Variants in C7 observed in about 807,000 individuals in gnomAD.
C7 encodes complement C7, also known as complement component C7.
A neutral mutation model predicts 104.8 loss-of-function variants in C7; 83 were observed. That is an observed-to-expected ratio of 0.79 (90% CI 0.66 to 0.95). The LOEUF is 0.95. Among genes scored for constraint, C7 ranks in the 40% least tolerant of loss-of-function variants. The pLI, the probability that C7 is intolerant of heterozygous loss-of-function variation, is 0.00. For missense variants in C7, 1,070 were observed against 1,011.2 expected (o/e 1.06, Z -0.79); for synonymous variants, 415 against 360.6 (o/e 1.15, Z -1.71).
chr5:40,930,785 C>T (rs546310573), intron 2 of C7, among the ~76,000 whole-genome samples: 15 of 151,930 alleles, frequency 9.9e-5, no homozygotes, highest in South Asian at 2.1e-4. Context: ...AGCCTGGTCT[C>T]GAACTCCTGA....
intron 14 of C7, among the ~76,000 whole-genome samples, chr5:40,966,513 G>A (rs867034527): frequency 1.3e-5 from 2 of 151,820 alleles, no homozygotes; most frequent in African/African-American, 4.8e-5. Flanking sequence ...TGAGTAGCTG[G>A]GACTACAGGT....
chr5:40,938,252 A>G (rs1383166457), intron 6 of C7, among the ~76,000 whole-genome samples: 1 of 152,208 alleles, frequency 6.6e-6, no homozygotes, highest in Admixed American at 6.5e-5. Flanking sequence ...TATATTTTGT[A>G]TTAATTATCC....
intron 9 of C7, among the ~76,000 whole-genome samples, chr5:40,952,658 C>T (rs1304071975): frequency 6.6e-6 from 1 of 151,900 alleles, no homozygotes; most frequent in East Asian, 1.9e-4. Context: ...CCCCACCCCA[C>T]TACAGGCCCC....
intron 7 of C7, among the ~76,000 whole-genome samples, 157 bp from the exon 8 acceptor site, chr5:40,947,445 G>T (rs1214367217): frequency 6.6e-6 from 1 of 152,034 alleles, no homozygotes. Context: ...TCCAGTAAGT[G>T]GGCCCATAAG....
chr5:40,926,157 C>G (rs966413001), intron 1 of C7, among the ~76,000 whole-genome samples: 1 of 152,162 alleles, frequency 6.6e-6, no homozygotes, highest in African/African-American at 2.4e-5. Flanking sequence ...ATGACAAAAA[C>G]TATATGATCA....
chr5:40,971,236 C>A (rs1740692256), intron 14 of C7, among the ~76,000 whole-genome samples: 1 of 152,214 alleles, frequency 6.6e-6, no homozygotes, highest in Admixed American at 6.5e-5. Flanking sequence ...TCCACATCCC[C>A]ACCAGCATCT....
At chr5:40,962,703 C>CTTTTGTTG (rs1293300724) in intron 13 of C7, among the ~76,000 whole-genome samples, 1 of 152,264 alleles carries the variant, frequency 6.6e-6, no homozygotes, top group East Asian at 1.9e-4. Context: ...ATTCTAGGGA[C>CTTTTGTTG]TTTTGTTGTT....
chr5:40,959,652 T>C (rs1740384726), intron 12 of C7, 32 bp downstream of exon 12: 2 of 1,505,750 alleles, frequency 1.3e-6, no homozygotes, highest in African/African-American at 1.4e-5. Flanking sequence ...GGCAGTTGCA[T>C]AGAACACAGT....
chr5:40,964,750 A>C lies in C7; in HGVS notation c.1759A>C (p.Thr587Pro), dbSNP rs13157656. 0.23 allele frequency: 378,522 copies of C among 1,611,870 alleles called. 47,050 individuals are homozygous for C. The highest frequency in any genetic ancestry group is 0.37 in the South Asian group (34,002 of 90,912). The change falls in exon 14 of 18, where the codon ACA becomes CCA. Residue 587 changes from threonine (T) to proline (P), a missense_variant. Transcript: ENST00000313164. ...TTTTACTTTTGTTTAGGATGAAGGT[A>C]CAATGTTTCCTGTGGGGAAAAATGT... The part of the protein sequence containing the change: ...LKDGFVQDEG[T>P]MFPVGKNVVY...
chr5:40,951,480 G>A (rs898336909), intron 9 of C7, among the ~76,000 whole-genome samples: 13 of 152,080 alleles, frequency 8.5e-5, no homozygotes, highest in Non-Finnish European at 1.9e-4. Context: ...GAGGAAGGGA[G>A]GAATCAAGGG....
intron 14 of C7, among the ~76,000 whole-genome samples, chr5:40,966,045 G>T (rs1232268871): frequency 7.2e-5 from 11 of 151,736 alleles, no homozygotes; most frequent in Non-Finnish European, 1.5e-4. Context: ...TATGTCTTTT[G>T]TCCATTAAAA....
At position 40,974,453 on chromosome 5, in the gene C7, T is replaced by G. The variant is rs553141830; in HGVS notation, c.2074+1859T>G. Reference sequence around the variant, plus strand: ...TTTTTTGAGATGCAGTCTCGTTCTGTCACCCAGGCTGGAGTGCAGCGGCAC... The same window carrying G: ...TTTTTTGAGATGCAGTCTCGTTCTGGCACCCAGGCTGGAGTGCAGCGGCAC... On this transcript the variant is annotated intron_variant, in intron 15 of 17. Transcript: ENST00000313164. Among the ~76,000 whole-genome samples, 191 of 150,950 alleles carry G rather than the reference T, an allele frequency of 1.3e-3. 1 individual carries two copies. Among genetic ancestry groups the G allele is most frequent in the African/African-American group, 4.3e-3 (177 of 40,924 alleles).
chr5:40,959,040 T>C (rs906907942), intron 11 of C7, among the ~76,000 whole-genome samples: 3 of 152,188 alleles, frequency 2.0e-5, no homozygotes, highest in Non-Finnish European at 4.4e-5. Context: ...ATTCTACGAC[T>C]GTGATTCATT....
At chr5:40,978,007 T>C (rs552591195) in intron 16 of C7, among the ~76,000 whole-genome samples, 1 of 151,866 alleles carries the variant, frequency 6.6e-6, no homozygotes, top group East Asian at 1.9e-4. Context: ...GGTGACTCAC[T>C]CTTGTAGTCC....
chr5:40,912,319 A>C (rs751617252), intron 1 of C7, among the ~76,000 whole-genome samples: 11 of 152,200 alleles, frequency 7.2e-5, no homozygotes, highest in Non-Finnish European at 1.5e-4. Flanking sequence ...GGTGATGACA[A>C]AGGCATCCAT....
intron 15 of C7, among the ~76,000 whole-genome samples, chr5:40,974,190 C>T (rs941570355): frequency 6.6e-6 from 1 of 152,020 alleles, no homozygotes; most frequent in Non-Finnish European, 1.5e-5. Context: ...GCTCTATATC[C>T]ATTAAACATT....
Position 40,936,386 on chromosome 5 carries a change from A to G in C7, c.329A>G (p.Asp110Gly). Residue 110 changes from aspartate (D) to glycine (G), a missense_variant, in exon 5 of 18, where the codon GAT becomes GGT. Transcript: ENST00000313164. ...GTTTGCAATGGGGATTCTGACTGTG[A>G]TGAAGACAGTGCTGATGAAGACAGA... is the stretch of plus-strand genomic sequence containing the variant. Reference protein sequence around the residue: ...SLVCNGDSDCDEDSADEDRCE... With the variant: ...SLVCNGDSDCGEDSADEDRCE... The G allele has an allele frequency of 1.9e-6, 3 of 1,613,408 alleles. No homozygotes were observed. The highest frequency in any genetic ancestry group is 2.5e-6 in the Non-Finnish European group (3 of 1,179,474).
In C7 at chr5:40,983,036, C is replaced by A. The variant is rs569775714; in HGVS notation, c.*1463C>A. 3.3e-5 allele frequency: 5 copies of A among 152,424 alleles called. No homozygotes were observed. The South Asian group carries it at 6.2e-4, about 19-fold the overall frequency. 9.4% of individuals were successfully genotyped at this position (152,424 alleles called of 1,614,324 possible). ...AGTTTTATGTCTGATCCAGATCTAGCTTTTTGTATCAAAGTGTGCCCTAAG... is the reference window on the plus strand; with the variant it reads ...AGTTTTATGTCTGATCCAGATCTAGATTTTTGTATCAAAGTGTGCCCTAAG... On this transcript the variant is annotated 3_prime_UTR_variant, in exon 18 of 18. Transcript: ENST00000313164.
intron 15 of C7, among the ~76,000 whole-genome samples, chr5:40,973,478 C>T (rs568790124): frequency 2.0e-5 from 3 of 152,152 alleles, no homozygotes; most frequent in Non-Finnish European, 2.9e-5. Context: ...TTAGATGTTT[C>T]TAACTAAGTT....
Sources: allele counts gnomAD v4.1 joint callset (sites outside exome capture counted in the v4.1 genomes callset), GRCh38; gene constraint gnomAD v4.1.1; transcripts MANE v1.5; gene names NCBI Gene and HGNC (gene_info 2026-07-23, HGNC 2026-07-21).